Variants in OVCH1 observed in about 807,000 individuals in gnomAD.
OVCH1 encodes ovochymase-1.
Under a neutral mutation model 138.4 loss-of-function variants are expected in OVCH1, and 139 were observed. The ratio of observed to expected loss-of-function variants is 1.00; its 90% CI spans 0.87 to 1.16. OVCH1 has a LOEUF of 1.16. OVCH1 is among the 50% of genes most tolerant of loss of function. The pLI is 0.00. For missense variants in OVCH1, 1,367 were observed against 1,357.9 expected (o/e 1.01, Z -0.11); for synonymous variants, 453 against 467.8 (o/e 0.97, Z 0.41).
rs764410280 is a variant in OVCH1, at chr12:29,489,905, A to G, written c.551-134T>C. On this transcript the variant is annotated intron_variant, in intron 5 of 27. Coordinates refer to ENST00000318184, the Ensembl canonical transcript of OVCH1. ...AAGTAATTGTTTTTAGGTGTGAATCATATTCACTTCTAAAAATCAGATATG... is the reference window on the plus strand; with the variant it reads ...AAGTAATTGTTTTTAGGTGTGAATCGTATTCACTTCTAAAAATCAGATATG... The G allele has an allele frequency of 2.0e-5, 20 of 983,354 alleles. No homozygotes were observed. In the Middle Eastern group the frequency reaches 1.6e-3, roughly 78 times the overall value. The allele number at this position is 983,354 out of a possible 1,614,324, so 60.9% of individuals were successfully genotyped here. A position where few individuals can be genotyped will look rare whatever the true frequency, so the allele number is the denominator to read the frequency against.
chr12:29,491,841 T>C (rs1943281204), intron 4 of OVCH1, among the ~76,000 whole-genome samples: 1 of 152,232 alleles, frequency 6.6e-6, no homozygotes, highest in South Asian at 2.1e-4. Flanking sequence ...AATGGAATGT[T>C]CTTGATTTCT....
rs191230605 is a variant in OVCH1, at chr12:29,428,257, C to G, written c.3328-609G>C. Reference sequence around the variant, plus strand: ...TTACTCTAGCCAGGCCTCCTTTTGACTGAGATAGCCATCGTAAAATTGCTC... The same window carrying G: ...TTACTCTAGCCAGGCCTCCTTTTGAGTGAGATAGCCATCGTAAAATTGCTC... On this transcript the variant is annotated intron_variant, in intron 27 of 27. Coordinates refer to ENST00000318184, the Ensembl canonical transcript of OVCH1. 2.3e-4 allele frequency among the ~76,000 whole-genome samples: 35 copies of G among 152,334 alleles called. No homozygotes were observed. The East Asian group carries it at 2.7e-3, about 12-fold the overall frequency.
chr12:29,475,963 C>T (rs572112617), intron 13 of OVCH1, among the ~76,000 whole-genome samples: 8 of 152,288 alleles, frequency 5.3e-5, no homozygotes, highest in African/African-American at 1.7e-4. Flanking sequence ...CTGGCGACTG[C>T]CTTTTCACCT....
chr12:29,480,876 C>T (rs968220109), intron 8 of OVCH1, among the ~76,000 whole-genome samples: 11 of 152,318 alleles, frequency 7.2e-5, no homozygotes, highest in African/African-American at 2.6e-4. Flanking sequence ...GAAGAAGTCA[C>T]TGACTGTGCA....
At chr12:29,463,226 T>G (rs1375599285) in intron 18 of OVCH1, among the ~76,000 whole-genome samples, 2 of 152,156 alleles carry the variant, frequency 1.3e-5, no homozygotes, top group Non-Finnish European at 2.9e-5. Flanking sequence ...TACATTAACA[T>G]GCAGTGAGAG....
At chr12:29,445,162 A>G (rs1245408603) in intron 23 of OVCH1, 116 bp downstream of exon 23, 1 of 1,241,142 alleles carries the variant, frequency 8.1e-7, no homozygotes, top group East Asian at 2.5e-5. Context: ...ACATATACTC[A>G]TTTCCCCACA....
chr12:29,428,907 G>A (rs143777264), intron 27 of OVCH1, among the ~76,000 whole-genome samples: 2 of 152,278 alleles, frequency 1.3e-5, no homozygotes, highest in African/African-American at 4.8e-5. Context: ...ACTGCCAAAT[G>A]CTCAAGCATG....
chr12:29,409,914 A>C (rs7487856), downstream of OVCH1, among the ~76,000 whole-genome samples: 46,970 of 151,926 alleles, frequency 0.31, 8,573 homozygotes, highest in Middle Eastern at 0.52. Flanking sequence ...GGGGTGTTAA[A>C]GTCTCCCATT....
At chr12:29,465,625 C>T (rs1018375560) in intron 16 of OVCH1, among the ~76,000 whole-genome samples, 4 of 152,044 alleles carry the variant, frequency 2.6e-5, no homozygotes, top group South Asian at 2.1e-4. Context: ...ATTGCCTCTG[C>T]GATCTCCCTC....
the OVCH1 span, among the ~76,000 whole-genome samples, chr12:29,405,131 A>G: frequency 6.6e-6 from 1 of 150,632 alleles, no homozygotes; most frequent in Non-Finnish European, 1.5e-5. Flanking sequence ...CCAAGTATTG[A>G]CTAATTCCTT....
downstream of OVCH1, among the ~76,000 whole-genome samples, chr12:29,426,324 G>A (rs991495863): frequency 1.3e-5 from 2 of 152,184 alleles, no homozygotes; most frequent in South Asian, 2.1e-4. Flanking sequence ...GATAATTGCT[G>A]ACTTACATTA....
the OVCH1 span, among the ~76,000 whole-genome samples, chr12:29,406,213 GAT>G: frequency 6.6e-6 from 1 of 152,042 alleles, no homozygotes; most frequent in Non-Finnish European, 1.5e-5. Context: ...AAAATCACTA[GAT>G]ATTCTTCAAT....
At chr12:29,433,882 A>T in intron 26 of OVCH1, 2 of 1,275,194 alleles carry the variant, frequency 1.6e-6, no homozygotes, top group Non-Finnish European at 2.1e-6. Context: ...ATGTCCAAAA[A>T]AAAAAGAAAC....
intron 14 of OVCH1, among the ~76,000 whole-genome samples, chr12:29,473,336 T>C (rs1565596827): frequency 6.6e-6 from 1 of 152,196 alleles, no homozygotes; most frequent in Non-Finnish European, 1.5e-5. Context: ...GATATTAATC[T>C]CATGGTTTTC....
intron 27 of OVCH1, among the ~76,000 whole-genome samples, chr12:29,433,336 A>G (rs1432219379): frequency 1.3e-5 from 2 of 152,052 alleles, no homozygotes; most frequent in South Asian, 2.1e-4. Flanking sequence ...ATGGTTTTAT[A>G]AAAGGCAGTT....
At chr12:29,410,969 T>C (rs1474900033), downstream of OVCH1, among the ~76,000 whole-genome samples, 1 of 152,042 alleles carries the variant, frequency 6.6e-6, no homozygotes, top group Non-Finnish European at 1.5e-5. Flanking sequence ...AGATTTGGTC[T>C]TTTCACATAG....
intron 26 of OVCH1, among the ~76,000 whole-genome samples, chr12:29,439,087 C>A (rs1363473432): frequency 1.3e-5 from 2 of 152,208 alleles, no homozygotes; most frequent in Non-Finnish European, 2.9e-5. Flanking sequence ...CGACTCTTAT[C>A]AGCCCAGAGA....
downstream of OVCH1, among the ~76,000 whole-genome samples, chr12:29,411,777 A>C (rs577248298): frequency 5.7e-3 from 481 of 84,842 alleles, 1 homozygote; most frequent in Non-Finnish European, 0.01. Context: ...TTGAGGAGGC[A>C]GTCTGCCTGT....
At chr12:29,497,493 C>A (rs1443345893) in intron 1 of OVCH1, 130 bp downstream of exon 1, 7 of 1,062,094 alleles carry the variant, frequency 6.6e-6, no homozygotes, top group Non-Finnish European at 9.5e-6. Context: ...CACCCCCTCA[C>A]CCTTTCTTCC....
Sources: gnomAD v4.1 joint callset for allele counts (sites outside exome capture counted in the v4.1 genomes callset) on GRCh38, gnomAD v4.1.1 for gene constraint, MANE v1.5 for transcripts, NCBI Gene and HGNC (gene_info 2026-07-23, HGNC 2026-07-21) for gene names.